SYTL2: variants seen among roughly 807,000 people sequenced by gnomAD.
SYTL2 encodes the protein synaptotagmin like 2.
Under a neutral mutation model 198.7 loss-of-function variants are expected in SYTL2, and 165 were observed. That is an observed-to-expected ratio of 0.83 (90% CI 0.73 to 0.94). The LOEUF (loss-of-function observed/expected upper bound fraction) is 0.94. SYTL2 is among the 40% of genes least tolerant of loss of function. The pLI is 0.00. For missense variants in SYTL2, 2,835 were observed against 2,582.8 expected (o/e 1.10, Z -2.12); for synonymous variants, 966 against 917.7 (o/e 1.05, Z -0.95).
intron 1 of SYTL2, among the ~76,000 whole-genome samples, chr11:85,809,920 T>C (rs1025140140): frequency 1.3e-5 from 2 of 152,156 alleles, no homozygotes; most frequent in Non-Finnish European, 2.9e-5. Flanking sequence ...TCCATAGAAA[T>C]CCAGCCAAGT....
At chr11:85,742,537 C>A (rs1234479153) in intron 4 of SYTL2, among the ~76,000 whole-genome samples, 2 of 152,188 alleles carry the variant, frequency 1.3e-5, no homozygotes, top group Non-Finnish European at 2.9e-5. Flanking sequence ...CAGTGCCCAT[C>A]CATGCACTGT....
At chr11:85,767,071 C>T (rs993528480) in intron 1 of SYTL2, among the ~76,000 whole-genome samples, 14 of 82,420 alleles carry the variant, frequency 1.7e-4, no homozygotes, top group African/African-American at 7.8e-4. Flanking sequence ...GATGTGGATA[C>T]ACAGCAATTA....
At chr11:85,753,616 T>C (rs1386169210) in intron 2 of SYTL2, among the ~76,000 whole-genome samples, 1 of 152,048 alleles carries the variant, frequency 6.6e-6, no homozygotes, top group Non-Finnish European at 1.5e-5. Flanking sequence ...AAACCTTTTT[T>C]TTTAATTAGC....
chr11:85,825,254 G>A, the SYTL2 span, among the ~76,000 whole-genome samples: 1 of 151,402 alleles, frequency 6.6e-6, no homozygotes, highest in East Asian at 1.9e-4. Context: ...CGGGCGTAGT[G>A]GCGGGCGCCT....
At chr11:85,709,977 C>A (rs1416556210) in intron 13 of SYTL2, among the ~76,000 whole-genome samples, 3 of 152,176 alleles carry the variant, frequency 2.0e-5, no homozygotes, top group African/African-American at 7.2e-5. Flanking sequence ...GCCACCGCGC[C>A]CAGCCGACTA....
chr11:85,700,609 A>G lies in SYTL2; in HGVS notation c.6190-16T>C. Reference sequence around the variant, plus strand: ...CTGGTGCTGTCTGAAAAGTGAAGAAATGTCAGCAGGTGGGAGACAAACTTT... The same window carrying G: ...CTGGTGCTGTCTGAAAAGTGAAGAAGTGTCAGCAGGTGGGAGACAAACTTT... On this transcript the variant is annotated splice_polypyrimidine_tract_variant and intron_variant, in intron 16 of 19. Transcript: ENST00000359152. The G allele has an allele frequency of 6.2e-7, 1 of 1,609,762 alleles. No individual in the cohort carries two copies. The highest frequency in any genetic ancestry group is 8.5e-7 in the Non-Finnish European group (1 of 1,176,010).
At chr11:85,763,265 TG>T (rs1438401467) in intron 1 of SYTL2, among the ~76,000 whole-genome samples, 6 of 152,170 alleles carry the variant, frequency 3.9e-5, no homozygotes, top group African/African-American at 1.4e-4. Flanking sequence ...AAAGGGAAAT[TG>T]GAGGACTCCA....
chr11:85,727,148 A>T lies in SYTL2; in HGVS notation c.2210T>A (p.Val737Glu). 1 of 1,536,412 alleles carries T rather than the reference A, an allele frequency of 6.5e-7. No individual in the cohort carries two copies. The highest frequency in any genetic ancestry group is 8.7e-7 in the Non-Finnish European group (1 of 1,146,910). Residue 737 changes from valine to glutamate, a missense_variant, in exon 8 of 20, where the codon GTA becomes GAA. Physicochemically the swap from Val to Glu is moderately radical, Grantham distance 121. Transcript: ENST00000359152. Reference sequence around the variant, plus strand: ...GGCTTTCAGGATATAGGTATTTCCTACTTTGCTCTTTCTCTCTGCATTCAT... The same window carrying T: ...GGCTTTCAGGATATAGGTATTTCCTTCTTTGCTCTTTCTCTCTGCATTCAT... ...DNMNAERKSK[V>E]GNTYILKASL...
At position 85,696,189 on chromosome 11, in the gene SYTL2, C is replaced by G; in HGVS notation, c.6568G>C (p.Gly2190Arg). The G allele has an allele frequency of 6.2e-7, 1 of 1,614,012 alleles. No individual in the cohort carries two copies. Among genetic ancestry groups the G allele is most frequent in the Non-Finnish European group, 8.5e-7 (1 of 1,179,912 alleles). The change falls in exon 19 of 20, where the codon GGA becomes CGA. Residue 2190 changes from glycine (G) to arginine (R), a missense_variant. By Grantham distance (125) the Gly-to-Arg change is moderately radical. Coordinates refer to ENST00000359152, the MANE Select transcript of SYTL2 (RefSeq NM_206927.4). ...QFLGGLRIGF[G>R]TGKSYGTEVD... ...AAAATGTAGCAAACAGTACCTGTTC[C>G]AAAGCCAATACGAAGACCTCCCAAA...
chr11:85,781,447 C>T (rs1592010273), intron 1 of SYTL2, among the ~76,000 whole-genome samples: 1 of 152,230 alleles, frequency 6.6e-6, no homozygotes, highest in East Asian at 1.9e-4. Flanking sequence ...TCATTCTGCC[C>T]TGGCCCCTCC....
intron 16 of SYTL2, among the ~76,000 whole-genome samples, chr11:85,702,264 A>G (rs1166816982): frequency 6.7e-6 from 1 of 148,552 alleles, no homozygotes; most frequent in Non-Finnish European, 1.5e-5. Flanking sequence ...ATCTCAGTTC[A>G]TTGCAACCAC....
At chr11:85,746,870 A>G (rs565453470) in intron 3 of SYTL2, among the ~76,000 whole-genome samples, 7 of 152,222 alleles carry the variant, frequency 4.6e-5, no homozygotes, top group Non-Finnish European at 1.0e-4. Flanking sequence ...TGGCTCTGCC[A>G]TTTGCCAATT....
chr11:85,725,996 G>A lies in SYTL2; in HGVS notation c.3362C>T (p.Thr1121Ile). The A allele has an allele frequency of 6.2e-7, 1 of 1,613,740 alleles. No individual in the cohort carries two copies. The highest frequency in any genetic ancestry group is 8.5e-7 in the Non-Finnish European group (1 of 1,179,936). The change falls in exon 8 of 20, where the codon ACC becomes ATC. Residue 1121 changes from threonine to isoleucine, a missense_variant. Coordinates refer to ENST00000359152, the MANE Select transcript of SYTL2 (RefSeq NM_206927.4). ...TTTGCAGTCTTTAGACAAAACATTGGTTTTTATTATGGATTCTTGAATCTC... is the reference window on the plus strand; with the variant it reads ...TTTGCAGTCTTTAGACAAAACATTGATTTTTATTATGGATTCTTGAATCTC... ...EQEIQESIIKTNVLSKDCKDT... is the reference protein window; with the variant it reads ...EQEIQESIIKINVLSKDCKDT...
chr11:85,729,036 C>A (rs1022282837), intron 7 of SYTL2, among the ~76,000 whole-genome samples: 3 of 152,180 alleles, frequency 2.0e-5, no homozygotes, highest in Non-Finnish European at 4.4e-5. Context: ...ACAAGAAGAG[C>A]TAGCTATCCT....
At chr11:85,748,503 G>A in intron 2 of SYTL2, 80 bp from the exon 3 acceptor site, 3 of 1,416,230 alleles carry the variant, frequency 2.1e-6, no homozygotes, top group Non-Finnish European at 1.9e-6. Flanking sequence ...ATAAAGACAT[G>A]TGTAAACACA....
chr11:85,704,748 T>A lies in SYTL2; in HGVS notation c.6189+110A>T, dbSNP rs1053290537. ...TCTTTTTTTTCCTCTAGTTTAAAATTCTCCCAAACTACAGATCTGTACTCT... is the reference window on the plus strand; with the variant it reads ...TCTTTTTTTTCCTCTAGTTTAAAATACTCCCAAACTACAGATCTGTACTCT... On this transcript the variant is annotated intron_variant, in intron 16 of 19. Transcript: ENST00000359152. 5.0e-6 allele frequency: 4 copies of A among 793,970 alleles called. No homozygotes were observed. The Admixed American group carries it at 1.1e-4, about 21-fold the overall frequency. 49.2% of individuals were successfully genotyped at this position (793,970 alleles called of 1,614,324 possible).
intron 1 of SYTL2, among the ~76,000 whole-genome samples, chr11:85,807,543 G>T (rs2092974470): frequency 2.0e-5 from 3 of 152,134 alleles, no homozygotes. Context: ...CCAGCTCAGA[G>T]AAGCCATCTG....
chr11:85,701,061 G>C (rs192918276), intron 16 of SYTL2, among the ~76,000 whole-genome samples: 1 of 152,240 alleles, frequency 6.6e-6, no homozygotes, highest in East Asian at 1.9e-4. Flanking sequence ...ATTATTTTAG[G>C]CCAAATGCAT....
the SYTL2 span, among the ~76,000 whole-genome samples, chr11:85,842,325 G>T: frequency 6.6e-6 from 1 of 152,214 alleles, no homozygotes; most frequent in African/African-American, 2.4e-5. Flanking sequence ...GGCATGGTTA[G>T]CCCCTGTAGG....
Sources: gnomAD v4.1 joint callset for allele counts (sites outside exome capture counted in the v4.1 genomes callset) on GRCh38, gnomAD v4.1.1 for gene constraint, MANE v1.5 for transcripts, NCBI Gene and HGNC (gene_info 2026-07-23, HGNC 2026-07-21) for gene names.